The following TBC1D5 variants were observed in gnomAD, a reference collection of about 807,000 sequenced individuals.
TBC1D5 encodes the protein TBC1 domain family member 5.
TBC1D5 carries 75 observed loss-of-function variants against 100.3 expected under a neutral mutation model. The observed-to-expected ratio is 0.75, with a 90% CI of 0.62 to 0.91. The LOEUF is 0.91. Ranked by LOEUF, TBC1D5 falls within the 40% of genes least tolerant of loss-of-function variation. TBC1D5 has a pLI of 0.00. For synonymous variants in TBC1D5, 323 were observed against 325.6 expected (o/e 0.99, Z 0.09); for missense variants, 910 against 942.4 (o/e 0.97, Z 0.45).
At chr3:17,736,989 G>A (rs1432622102) in intron 1 of TBC1D5, among the ~76,000 whole-genome samples, 1 of 151,918 alleles carries the variant, frequency 6.6e-6, no homozygotes, top group Non-Finnish European at 1.5e-5. Flanking sequence ...CTCCAGCCTG[G>A]GTGACAGAGT....
In TBC1D5 at chr3:17,307,172, C is replaced by T. The variant is rs189986361; in HGVS notation, c.1138+820G>A. Among the ~76,000 whole-genome samples, 48 of 152,226 alleles carry T rather than the reference C, an allele frequency of 3.2e-4. No individual in the cohort carries two copies. The East Asian group carries it at 6.4e-3, about 20-fold the overall frequency. ...GAGAACAACATAACAATTTAACAGTCGCAATTATAAATGATTCTAAAAAGT... is the reference window on the plus strand; with the variant it reads ...GAGAACAACATAACAATTTAACAGTTGCAATTATAAATGATTCTAAAAAGT... On this transcript the variant is annotated intron_variant, in intron 14 of 21. Transcript: ENST00000253692.
chr3:17,663,359 A>G lies in TBC1D5; in HGVS notation c.-100-39446T>C, dbSNP rs540370532. ...AAAAAAAATCAAACACAGAAAAAAA[A>G]TACTGACGACATACTACAAAAGACT... is the stretch of plus-strand genomic sequence containing the variant. On this transcript the variant is annotated intron_variant, in intron 1 of 21. Coordinates refer to ENST00000253692, the Ensembl canonical transcript of TBC1D5. 1.9e-4 allele frequency among the ~76,000 whole-genome samples: 28 copies of G among 151,166 alleles called. No homozygotes were observed. In the South Asian group the frequency reaches 5.8e-3, roughly 31 times the overall value.
Position 17,599,569 on chromosome 3 carries a change from G to A in TBC1D5, c.-36+24280C>T, listed in dbSNP as rs936202530. 1.9e-4 allele frequency among the ~76,000 whole-genome samples: 29 copies of A among 152,184 alleles called. 1 individual carries two copies. The highest frequency in any genetic ancestry group is 5.3e-4 in the African/African-American group (22 of 41,518). ...CTTCCTGGATGCCGAACAAGAACCCGGGTACAAAGAAGGCAGTGTATAAAA... is the reference window on the plus strand; with the variant it reads ...CTTCCTGGATGCCGAACAAGAACCCAGGTACAAAGAAGGCAGTGTATAAAA... On this transcript the variant is annotated intron_variant, in intron 2 of 21. Transcript: ENST00000253692.
chr3:17,532,630 T>C (rs2153387859), intron 2 of TBC1D5, among the ~76,000 whole-genome samples: 1 of 152,276 alleles, frequency 6.6e-6, no homozygotes, highest in South Asian at 2.1e-4. Context: ...ATGTGGCACA[T>C]ATATACCATG....
intron 1 of TBC1D5, among the ~76,000 whole-genome samples, chr3:17,707,725 A>C (rs1172715912): frequency 6.6e-6 from 1 of 152,196 alleles, no homozygotes; most frequent in African/African-American, 2.4e-5. Context: ...TATACACATA[A>C]ACTAAACAAT....
At chr3:17,158,350 A>T (rs977053818) in exon 22 of TBC1D5, 5 of 152,204 alleles carry the variant, frequency 3.3e-5, no homozygotes, top group Non-Finnish European at 7.4e-5. Context: ...AACAAAACAC[A>T]ATATATTCAG....
At chr3:17,731,504 CA>C (rs11306215) in intron 1 of TBC1D5, among the ~76,000 whole-genome samples, 45,965 of 90,780 alleles carry the variant, frequency 0.51, 7,440 homozygotes, top group East Asian at 0.79. Flanking sequence ...GACTCTGTCT[CA>C]AAAAAAAAAA....
chr3:17,331,481 T>A (rs150810989), intron 13 of TBC1D5, among the ~76,000 whole-genome samples: 3 of 152,314 alleles, frequency 2.0e-5, no homozygotes, highest in African/African-American at 7.2e-5. Context: ...CACTATACAA[T>A]GACGTATTAC....
At chr3:17,181,410 G>A (rs1374646483) in intron 19 of TBC1D5, among the ~76,000 whole-genome samples, 1 of 152,180 alleles carries the variant, frequency 6.6e-6, no homozygotes, top group South Asian at 2.1e-4. Context: ...GAGATGACTT[G>A]TGTTTAATAC....
At chr3:17,375,131 C>A (rs749211056) in intron 10 of TBC1D5, among the ~76,000 whole-genome samples, 1 of 152,132 alleles carries the variant, frequency 6.6e-6, no homozygotes, top group African/African-American at 2.4e-5. Flanking sequence ...ATTTATTTTA[C>A]TTTTTAACAG....
chr3:17,168,723 C>T (rs1488238334), intron 19 of TBC1D5, among the ~76,000 whole-genome samples: 2 of 151,914 alleles, frequency 1.3e-5, no homozygotes, highest in East Asian at 1.9e-4. Flanking sequence ...ATAGATACAC[C>T]GATTTGAGAA....
intron 15 of TBC1D5, among the ~76,000 whole-genome samples, chr3:17,261,735 C>T (rs975178089): frequency 2.0e-5 from 3 of 152,056 alleles, no homozygotes; most frequent in Admixed American, 2.0e-4. Context: ...GCTGCCCAGG[C>T]TGGTCTTGAA....
At chr3:17,734,500 G>C (rs749883125) in intron 1 of TBC1D5, among the ~76,000 whole-genome samples, 81 of 152,212 alleles carry the variant, frequency 5.3e-4, no homozygotes, top group Non-Finnish European at 9.7e-4. Context: ...AATTGAAAAT[G>C]AAAGTACGAA....
intron 2 of TBC1D5, among the ~76,000 whole-genome samples, chr3:17,563,236 A>G (rs1473412238): frequency 1.3e-5 from 2 of 152,208 alleles, no homozygotes; most frequent in Non-Finnish European, 2.9e-5. Context: ...AAATTTGAGG[A>G]TCCATCATGG....
At chr3:17,313,391 C>T (rs146353379) in intron 13 of TBC1D5, among the ~76,000 whole-genome samples, 1 of 152,172 alleles carries the variant, frequency 6.6e-6, no homozygotes, top group Non-Finnish European at 1.5e-5. Context: ...TTTATTCATA[C>T]CAGAGACAGT....
At chr3:17,467,161 C>T (rs540659521) in intron 3 of TBC1D5, among the ~76,000 whole-genome samples, 4 of 152,112 alleles carry the variant, frequency 2.6e-5, no homozygotes, top group African/African-American at 9.6e-5. Context: ...GTACACTAAA[C>T]ATGTTCTGTT....
intron 2 of TBC1D5, among the ~76,000 whole-genome samples, chr3:17,552,180 G>T (rs1399685054): frequency 2.7e-5 from 4 of 150,766 alleles, no homozygotes; most frequent in Non-Finnish European, 4.4e-5. Flanking sequence ...AAGGACCTAT[G>T]ATCTTAAGAG....
chr3:17,421,305 A>C (rs1320045742), intron 4 of TBC1D5, among the ~76,000 whole-genome samples: 1 of 152,234 alleles, frequency 6.6e-6, no homozygotes, highest in African/African-American at 2.4e-5. Flanking sequence ...CAAAAAGGCT[A>C]TACATTTTGT....
chr3:17,663,403 A>G (rs1221643772), intron 1 of TBC1D5, among the ~76,000 whole-genome samples: 1 of 152,088 alleles, frequency 6.6e-6, no homozygotes, highest in African/African-American at 2.4e-5. Flanking sequence ...TATATAATAT[A>G]GTAATTAAAT....
Sources: allele counts gnomAD v4.1 joint callset (sites outside exome capture counted in the v4.1 genomes callset), GRCh38; gene constraint gnomAD v4.1.1; transcripts MANE v1.5; gene names NCBI Gene and HGNC (gene_info 2026-07-23, HGNC 2026-07-21).